ITPR1: variants seen among roughly 807,000 people sequenced by gnomAD.
ITPR1 encodes inositol 1,4,5-trisphosphate receptor type 1.
In ITPR1, 96 loss-of-function variants were observed where a neutral mutation model predicts 318.4. The ratio of observed to expected loss-of-function variants is 0.30; its 90% confidence interval spans 0.26 to 0.36. ITPR1 has a LOEUF of 0.36. ITPR1 is among the 10% of genes least tolerant of loss of function. The pLI is 1.00. For synonymous variants in ITPR1, 1,312 were observed against 1,289.9 expected, an observed-to-expected ratio of 1.02 and a Z score of -0.37; for missense variants, 2,440 against 3,460.2, an observed-to-expected ratio of 0.71 and a Z score of 7.40.
Position 4,766,671 on chromosome 3 carries a change from G to C in ITPR1, c.5686G>C (p.Asp1896His), listed in dbSNP as rs1288356202. ...NTSDLGNKKK[D>H]DEVDRDAPSR... ...CAGTGACTTGGGAAATAAAAAGAAA[G>C]ACGATGAGGTAGACAGGGATGCCCC... The change falls in exon 45 of 62, where the codon GAC (aspartate) becomes CAC (histidine). Residue 1896 changes from aspartate (D) to histidine (H), a missense_variant. Around this residue, in one of 23 missense-constraint regions of ITPR1, gnomAD observed 80 missense variants for 122.0 expected, o/e 0.66. Coordinates refer to ENST00000649015, the MANE Select transcript of ITPR1 (RefSeq NM_001378452.1). 2 of 1,612,656 alleles carry C rather than the reference G, an allele frequency of 1.2e-6. No individual in the cohort carries two copies. Among genetic ancestry groups the C allele is most frequent in the South Asian group, 1.1e-5 (1 of 90,814 alleles).
At chr3:4,558,458 A>T (rs1190128663) in intron 4 of ITPR1, among the ~76,000 whole-genome samples, 3 of 152,162 alleles carry the variant, frequency 2.0e-5, no homozygotes, top group Non-Finnish European at 4.4e-5. Flanking sequence ...AACCTCAATG[A>T]TATGAAAGTA....
At chr3:4,700,587 C>A (rs1169887635) in intron 35 of ITPR1, among the ~76,000 whole-genome samples, 1 of 152,138 alleles carries the variant, frequency 6.6e-6, no homozygotes, top group African/African-American at 2.4e-5. Context: ...CAGGAGTTTT[C>A]ATGCAGGCAG....
chr3:4,528,329 C>G (rs2083143913), intron 4 of ITPR1, among the ~76,000 whole-genome samples: 1 of 152,154 alleles, frequency 6.6e-6, no homozygotes, highest in African/African-American at 2.4e-5. Flanking sequence ...GTCTCTTTGT[C>G]AAGATAGATG....
chr3:4,828,038 C>A (rs992873141), intron 60 of ITPR1, among the ~76,000 whole-genome samples: 1 of 152,108 alleles, frequency 6.6e-6, no homozygotes, highest in African/African-American at 2.4e-5. Flanking sequence ...CAGCTCAGAG[C>A]TTTCCAGTAT....
chr3:4,730,396 TGTGTGTGTGTGTGTGTGTGTGTG>T (rs2042838481), intron 42 of ITPR1, among the ~76,000 whole-genome samples: 6 of 145,352 alleles, frequency 4.1e-5, no homozygotes, highest in African/African-American at 1.5e-4. Context: ...TGTGTGTGTG[TGTGTGTGTGTGTGTGTGTGTGTG>T]TTTCCCCCAG....
intron 4 of ITPR1, among the ~76,000 whole-genome samples, chr3:4,539,926 T>A (rs937429154): frequency 2.7e-5 from 4 of 150,122 alleles, no homozygotes; most frequent in African/African-American, 7.4e-5. Context: ...TTTCTTTTCC[T>A]TACAAATTAC....
intron 4 of ITPR1, among the ~76,000 whole-genome samples, chr3:4,616,037 C>T (rs2092375317): frequency 6.6e-6 from 1 of 152,188 alleles, no homozygotes; most frequent in African/African-American, 2.4e-5. Context: ...GAAAATGTCA[C>T]TTAACTTCAA....
Position 4,765,064 on chromosome 3 carries a change from T to TAAAAGAAAAGAAAAG in ITPR1, c.5545-1457_5545-1443dup, listed in dbSNP as rs3838621. On this transcript the variant is annotated intron_variant, in intron 44 of 61. Coordinates refer to ENST00000649015, the MANE Select transcript of ITPR1 (RefSeq NM_001378452.1). ...TGGATGGATGAAATAGCAGGAAACCTAAAAGAAAAGAAAAGAAAAGAAACG... is the reference window on the plus strand; with the variant it reads ...TGGATGGATGAAATAGCAGGAAACCTAAAAGAAAAGAAAAGAAAAGAAAAGAAAAGAAAAGAAACG... Among the ~76,000 whole-genome samples the TAAAAGAAAAGAAAAG allele has an allele frequency of 7.4e-5, 11 of 149,438 alleles. No homozygotes were observed. In the East Asian group the frequency reaches 1.6e-3, roughly 22 times the overall value.
rs377105442 is a variant in ITPR1 at position 4,826,124 on chromosome 3, A to G, written c.8028+7882A>G. 9.8e-4 allele frequency among the ~76,000 whole-genome samples: 149 copies of G among 152,372 alleles called. 1 individual carries two copies. The highest frequency in any genetic ancestry group is 3.5e-3 in the African/African-American group (146 of 41,590). On this transcript the variant is annotated intron_variant, in intron 60 of 61. Transcript: ENST00000649015. This position sits in a 1 kb window ranked among gnomAD's most constrained non-coding sequence, Gnocchi z 4.2. The stretch of plus-strand genomic sequence containing the variant: ...CACCTCCTCTGTGCATGAAGCAGGC[A>G]GCTCCTGGCTGTTGATAAAGTGCCG...
chr3:4,669,242 A>G (rs1312593555), intron 18 of ITPR1, among the ~76,000 whole-genome samples: 1 of 152,190 alleles, frequency 6.6e-6, no homozygotes, highest in East Asian at 1.9e-4. Flanking sequence ...GAAATTAGTA[A>G]TTTCCCCAAA....
chr3:4,749,765 A>G (rs2044366475), intron 44 of ITPR1: 1 of 152,676 alleles, frequency 6.5e-6, no homozygotes, highest in African/African-American at 2.4e-5. Context: ...TAGCATCAAC[A>G]GGTTAGACAG....
chr3:4,545,788 C>T (rs1409966852), intron 4 of ITPR1, among the ~76,000 whole-genome samples: 2 of 150,694 alleles, frequency 1.3e-5, no homozygotes, highest in Non-Finnish European at 2.9e-5. Context: ...GCCTCAGCCT[C>T]CTGGGCTCAA....
intron 48 of ITPR1, among the ~76,000 whole-genome samples, chr3:4,778,086 A>G (rs1401166918): frequency 1.3e-5 from 2 of 152,198 alleles, no homozygotes; most frequent in Non-Finnish European, 2.9e-5. Context: ...CAGCATTTCC[A>G]AGCTGGCCTT....
chr3:4,616,584 A>G (rs1410114948), intron 4 of ITPR1, among the ~76,000 whole-genome samples: 1 of 152,198 alleles, frequency 6.6e-6, no homozygotes, highest in Non-Finnish European at 1.5e-5. Flanking sequence ...AATTGCATTT[A>G]TATATGCTGG....
rs768687760 is a variant in ITPR1, at chr3:4,693,513, C to G, written c.4053C>G (p.Val1351=). Reference sequence around the variant, plus strand: ...AGCTGGTCAATTCGGGAGAGGATGTCCTCGTGTTCTACAACGACAGAGCCT... The same window carrying G: ...AGCTGGTCAATTCGGGAGAGGATGTGCTCGTGTTCTACAACGACAGAGCCT... The part of the protein sequence containing the change: ...MAELVNSGED[V]LVFYNDRASF... Residue 1351 remains valine (V), a synonymous_variant, in exon 33 of 62, where the codon GTC becomes GTG. Transcript: ENST00000649015. The G allele has an allele frequency of 3.1e-6, 5 of 1,613,946 alleles. No homozygotes were observed. Among genetic ancestry groups the G allele is most frequent in the Non-Finnish European group, 3.4e-6 (4 of 1,179,860 alleles).
chr3:4,839,386 C>T (rs971821418), intron 61 of ITPR1, among the ~76,000 whole-genome samples: 7 of 152,010 alleles, frequency 4.6e-5, no homozygotes, highest in Non-Finnish European at 5.9e-5. Context: ...TGCCATCTCA[C>T]CTCATTCCCT....
At position 4,579,187 on chromosome 3, in the gene ITPR1, T is replaced by C. The variant is rs536696317; in HGVS notation, c.164-48576T>C. On this transcript the variant is annotated intron_variant, in intron 4 of 61. Coordinates refer to ENST00000649015, the MANE Select transcript of ITPR1 (RefSeq NM_001378452.1). Reference sequence around the variant, plus strand: ...TACTTAACCTCTTCCAGCTGCAATTTCTTCTTCTAAAAGATGTGTCGTTGT... The same window carrying C: ...TACTTAACCTCTTCCAGCTGCAATTCCTTCTTCTAAAAGATGTGTCGTTGT... Among the ~76,000 whole-genome samples, 60 of 150,390 alleles carry C rather than the reference T, an allele frequency of 4.0e-4. 2 individuals are homozygous for C. The South Asian group carries it at 5.2e-3, about 13-fold the overall frequency.
chr3:4,504,174 A>T (rs2081237719), intron 2 of ITPR1, among the ~76,000 whole-genome samples: 1 of 152,214 alleles, frequency 6.6e-6, no homozygotes, highest in African/African-American at 2.4e-5. Context: ...CATGAGACCA[A>T]ATGTCAGTGC....
chr3:4,589,698 T>C (rs2090220744), intron 4 of ITPR1, among the ~76,000 whole-genome samples: 1 of 151,946 alleles, frequency 6.6e-6, no homozygotes, highest in Non-Finnish European at 1.5e-5. Flanking sequence ...TCCCACCTCA[T>C]GTGGAACAGA....
Sources: allele counts gnomAD v4.1 joint callset (sites outside exome capture counted in the v4.1 genomes callset), GRCh38; gene constraint gnomAD v4.1.1; regional missense constraint gnomAD v4.1.1; non-coding constraint Gnocchi (gnomAD v3.1); transcripts MANE v1.5; gene names NCBI Gene and HGNC (gene_info 2026-07-23, HGNC 2026-07-21).